The following CELF2 variants were observed in gnomAD, a reference collection of about 807,000 sequenced individuals.
CELF2 encodes CUGBP Elav-like family member 2, also known as CUG triplet repeat RNA-binding protein 2.
A neutral mutation model predicts 62.6 loss-of-function variants in CELF2; 8 were observed. The observed-to-expected ratio is 0.13, with a 90% CI of 0.07 to 0.23. The LOEUF (loss-of-function observed/expected upper bound fraction) is 0.23. Among genes scored for constraint, CELF2 ranks in the 10% least tolerant of loss-of-function variants. The pLI is 1.00. For missense variants in CELF2, 333 were observed against 671.0 expected (o/e 0.50, Z 5.56); for synonymous variants, 258 against 250.0 (o/e 1.03, Z -0.30).
At position 10,921,428 on chromosome 10, in the gene CELF2, C is replaced by T. The variant is rs1218550505; in HGVS notation, c.89+1429C>T. Reference sequence around the variant, plus strand: ...GGATTACAGGCGTGCACCACTACGCCCAGCTAACTTTTGTATTTTTAGTAG... The same window carrying T: ...GGATTACAGGCGTGCACCACTACGCTCAGCTAACTTTTGTATTTTTAGTAG... On this transcript the variant is annotated intron_variant, in intron 2 of 13. Coordinates refer to the CELF2 transcript ENST00000636488. 2.0e-5 allele frequency among the ~76,000 whole-genome samples: 3 copies of T among 151,944 alleles called. No individual in the cohort carries two copies. The East Asian group carries it at 5.8e-4, about 29-fold the overall frequency.
chr10:11,009,469 C>T (rs763303086), intron 1 of CELF2, among the ~76,000 whole-genome samples: 13 of 152,162 alleles, frequency 8.5e-5, no homozygotes, highest in Admixed American at 2.6e-4. Context: ...CTTCATGGAA[C>T]GTTGTCAGCA....
rs140285968 is a variant in CELF2, at chr10:11,297,122, G to T, written c.976+8570G>T. On this transcript the variant is annotated intron_variant, in intron 9 of 12. Coordinates refer to ENST00000633077, the MANE Select transcript of CELF2 (RefSeq NM_001326342.2). This position sits in a 1 kb window ranked among gnomAD's most constrained non-coding sequence, Gnocchi z 4.4. ...AAAGGAAAGGAGGAAAAATGATATG[G>T]TGTGTTGGGCCTGGGTGGCCAGTGG... is the stretch of plus-strand genomic sequence containing the variant. 3.6e-3 allele frequency among the ~76,000 whole-genome samples: 547 copies of T among 152,324 alleles called. 7 individuals are homozygous for T. Among genetic ancestry groups the T allele is most frequent in the African/African-American group, 0.013 (529 of 41,570 alleles).
At chr10:10,504,416 T>A in the CELF2 span, among the ~76,000 whole-genome samples, 1 of 152,156 alleles carries the variant, frequency 6.6e-6, no homozygotes, top group Non-Finnish European at 1.5e-5. Context: ...TAGTTGCTGA[T>A]GAGAAATCGA....
chr10:10,982,822 C>T (rs1003499828), intron 2 of CELF2, among the ~76,000 whole-genome samples: 2 of 152,096 alleles, frequency 1.3e-5, no homozygotes, highest in Admixed American at 1.3e-4. Context: ...CCCATAACTA[C>T]CCTCAAATCT....
the CELF2 span, among the ~76,000 whole-genome samples, chr10:10,551,712 C>G: frequency 6.6e-6 from 1 of 152,132 alleles, no homozygotes; most frequent in African/African-American, 2.4e-5. Context: ...TGATCCAGGG[C>G]TCCCCGACAA....
At chr10:10,617,293 C>T in the CELF2 span, among the ~76,000 whole-genome samples, 1 of 152,130 alleles carries the variant, frequency 6.6e-6, no homozygotes, top group African/African-American at 2.4e-5. Context: ...GGGCTAGACA[C>T]CCTTCTTGGG....
Position 11,054,014 on chromosome 10 carries a change from C to A in CELF2, c.74+35851C>A, listed in dbSNP as rs377544886. On this transcript the variant is annotated intron_variant, in intron 1 of 12. Coordinates refer to ENST00000633077, the MANE Select transcript of CELF2 (RefSeq NM_001326342.2). Reference sequence around the variant, plus strand: ...ATATTTGCTAATTTTGGAAAATACCCCATTTTGATACTATCTAAACATAGC... The same window carrying A: ...ATATTTGCTAATTTTGGAAAATACCACATTTTGATACTATCTAAACATAGC... Among the ~76,000 whole-genome samples the A allele has an allele frequency of 5.3e-5, 8 of 152,044 alleles. No individual in the cohort carries two copies. The East Asian group carries it at 5.8e-4, about 11-fold the overall frequency.
chr10:10,607,044 C>T, the CELF2 span, among the ~76,000 whole-genome samples: 1 of 152,114 alleles, frequency 6.6e-6, no homozygotes, highest in Admixed American at 6.5e-5. Context: ...CTTTAAACAT[C>T]ATCGTGGTGT....
chr10:10,883,528 A>G (rs1382043182), intron 1 of CELF2, among the ~76,000 whole-genome samples: 1 of 152,126 alleles, frequency 6.6e-6, no homozygotes, highest in Non-Finnish European at 1.5e-5. Context: ...AACAGTCATC[A>G]TGGATGCTGC....
At chr10:10,702,276 C>T in the CELF2 span, among the ~76,000 whole-genome samples, 1 of 152,202 alleles carries the variant, frequency 6.6e-6, no homozygotes, top group Non-Finnish European at 1.5e-5. Context: ...AAATCTCAAT[C>T]AATCTAGATT....
At position 11,255,378 on chromosome 10, in the gene CELF2, C is replaced by G. The variant is rs1328051424; in HGVS notation, c.404-2360C>G. On this transcript the variant is annotated intron_variant, in intron 4 of 12. Transcript: ENST00000633077. The surrounding 1 kb of genome is among the most constrained non-coding windows in gnomAD (Gnocchi z 5.5). ...CACATGAAGCGGAAGATGGGGCGTG[C>G]CATCCTGAGGTCGGGCTGCTTTCCG... is the stretch of plus-strand genomic sequence containing the variant. Among the ~76,000 whole-genome samples, 1 of 152,098 alleles carries G rather than the reference C, an allele frequency of 6.6e-6. No individual in the cohort carries two copies. Among genetic ancestry groups the G allele is most frequent in the Non-Finnish European group, 1.5e-5 (1 of 68,018 alleles).
At chr10:10,723,817 T>C in the CELF2 span, among the ~76,000 whole-genome samples, 1 of 152,220 alleles carries the variant, frequency 6.6e-6, no homozygotes, top group African/African-American at 2.4e-5. Context: ...TTGTGAGCTT[T>C]ATTTGAAGTC....
At chr10:10,907,286 T>A (rs187556035) in intron 1 of CELF2, among the ~76,000 whole-genome samples, 426 of 152,336 alleles carry the variant, frequency 2.8e-3, no homozygotes, top group Non-Finnish European at 4.8e-3. Context: ...GTATGTTTCA[T>A]TGACTATAAA....
chr10:11,043,469 C>T (rs1273228677), intron 1 of CELF2, among the ~76,000 whole-genome samples: 1 of 152,168 alleles, frequency 6.6e-6, no homozygotes, highest in African/African-American at 2.4e-5. Flanking sequence ...TGTTTCTAGC[C>T]TCAACCTTGC....
the CELF2 span, among the ~76,000 whole-genome samples, chr10:10,645,113 T>G: frequency 2.0e-5 from 3 of 152,280 alleles, no homozygotes; most frequent in African/African-American, 7.2e-5. Context: ...TTCAGGACAG[T>G]AGGGTGCCAT....
intron 1 of CELF2, chr10:11,018,793 CG>C (rs1392700525): frequency 1.3e-5 from 2 of 152,188 alleles, no homozygotes; most frequent in Non-Finnish European, 2.9e-5. Flanking sequence ...CTCTGGTGGC[CG>C]GGGGGAAAGA....
chr10:11,258,260 AATGTTAAGAGT>A (rs989829715), intron 5 of CELF2, among the ~76,000 whole-genome samples: 1 of 152,204 alleles, frequency 6.6e-6, no homozygotes, highest in Non-Finnish European at 1.5e-5. Flanking sequence ...GCCTGAAAGA[AATGTTAAGAGT>A]ATGTTAAGAG....
chr10:11,030,233 G>A (rs2059880466), intron 1 of CELF2: 1 of 152,132 alleles, frequency 6.6e-6, no homozygotes, highest in African/African-American at 2.4e-5. Context: ...ATATACCATG[G>A]GCCAGCCATC....
intron 8 of CELF2, among the ~76,000 whole-genome samples, chr10:11,281,662 A>G (rs1012022587): frequency 6.6e-6 from 1 of 152,150 alleles, no homozygotes; most frequent in Non-Finnish European, 1.5e-5. Context: ...CTGAGGTAGG[A>G]GGATCGCTTG....
Sources: allele counts gnomAD v4.1 joint callset (sites outside exome capture counted in the v4.1 genomes callset), GRCh38; gene constraint gnomAD v4.1.1; non-coding constraint Gnocchi (gnomAD v3.1); transcripts MANE v1.5; gene names NCBI Gene and HGNC (gene_info 2026-07-23, HGNC 2026-07-21).